The following LINC00632 variants were observed in gnomAD, a reference collection of about 807,000 sequenced individuals.
LINC00632 encodes the protein ALDOA related specific transcript.
Position 140,776,529 on chromosome X carries a change from G to C in LINC00632, n.4548G>C, listed in dbSNP as rs184928216. ...CCTCCCGCCACCCGCCGGGGTCCTC[G>C]TTACCCAAGCCCGCGCGTGACCACC... On this transcript the variant is annotated non_coding_transcript_exon_variant, in exon 5 of 5. Transcript: ENST00000648200. 4.4e-3 allele frequency among the ~76,000 whole-genome samples: 495 copies of C among 112,945 alleles called. 5 individuals carry two copies. The highest frequency in any genetic ancestry group is 0.015 in the African/African-American group (453 of 31,205).
chrX:140,728,240 CAA>C (rs1200284527), intron 2 of LINC00632, among the ~76,000 whole-genome samples: 12 of 60,640 alleles, frequency 2.0e-4, no homozygotes, highest in Admixed American at 4.1e-4. Flanking sequence ...AACTCTGTCT[CAA>C]AAAAAAAAAA....
At chrX:140,747,964 C>T (rs75609788) in intron 3 of LINC00632, among the ~76,000 whole-genome samples, 16 of 111,768 alleles carry the variant, frequency 1.4e-4, no homozygotes, top group African/African-American at 4.2e-4. Context: ...AGTAGCTGGG[C>T]TTACAGGCGT....
intron 2 of LINC00632, among the ~76,000 whole-genome samples, chrX:140,733,717 T>A (rs1268355436): frequency 8.9e-6 from 1 of 112,667 alleles, no homozygotes; most frequent in East Asian, 2.8e-4. Flanking sequence ...AATTTATTAA[T>A]GTAATATAGA....
chrX:140,776,007 A>G (rs1404384706), exon 5 of LINC00632, among the ~76,000 whole-genome samples: 1 of 112,248 alleles, frequency 8.9e-6, no homozygotes, highest in Non-Finnish European at 1.9e-5. Context: ...AAAGAATGGG[A>G]GAAAAATTTT....
chrX:140,742,839 TAGAGAGAGAGAGAG>T (rs3084215), intron 3 of LINC00632, among the ~76,000 whole-genome samples: 2,809 of 46,889 alleles, frequency 0.06, 57 homozygotes, highest in Non-Finnish European at 0.082. Flanking sequence ...TAGAAGGTGA[TAGAGAGAGAGAGAG>T]AGAGAGAGAG....
At chrX:140,759,281 TTTCTTTCTTTCC>T (rs1428784995) in intron 3 of LINC00632, among the ~76,000 whole-genome samples, 3 of 93,551 alleles carry the variant, frequency 3.2e-5, no homozygotes, top group African/African-American at 1.3e-4. Context: ...GCCTCTTTTC[TTTCTTTCTTTCC>T]TTCCTTCCTT....
chrX:140,714,062 G>A (rs1930573922), intron 2 of LINC00632: 1 of 224,882 alleles, frequency 4.4e-6, no homozygotes, highest in Non-Finnish European at 8.2e-6. Flanking sequence ...CTCTCCCCAG[G>A]GCACACAGAC....
intron 2 of LINC00632, chrX:140,713,428 G>A (rs1930558824): frequency 3.4e-6 from 1 of 293,705 alleles, no homozygotes. Context: ...CGTTTCCTCA[G>A]ATGTAAAATG....
rs1491266716 is a variant in LINC00632 at position 140,724,632 on chromosome X, A to ACACACACACACAAACACATATTCCGTGTG, written n.105-9239_105-9238insACACAAACACATATTCCGTGTGCACACAC. Reference sequence around the variant, plus strand: ...ACACACACAAACACATATTCCGTGTACACACACTTCCATACACACAGAGAC... The same window carrying ACACACACACACAAACACATATTCCGTGTG: ...ACACACACAAACACATATTCCGTGTACACACACACACAAACACATATTCCGTGTGCACACACTTCCATACACACAGAGAC... On this transcript the variant is annotated intron_variant and non_coding_transcript_variant, in intron 2 of 4. Coordinates refer to ENST00000648200, the Ensembl canonical transcript of LINC00632. Among the ~76,000 whole-genome samples the ACACACACACACAAACACATATTCCGTGTG allele has an allele frequency of 4.4e-3, 343 of 78,715 alleles. 1 individual carries two copies. The highest frequency in any genetic ancestry group is 0.015 in the African/African-American group (324 of 21,277). The allele number at this position is 78,715 out of a possible 115,157, so 68.4% of individuals were successfully genotyped here.
intron 3 of LINC00632, among the ~76,000 whole-genome samples, chrX:140,757,128 G>A (rs771824098): frequency 9.0e-6 from 1 of 111,122 alleles, no homozygotes; most frequent in Non-Finnish European, 1.9e-5. Context: ...TTTTCTGATG[G>A]CGACTGGCCA....
At chrX:140,736,593 C>T (rs919323361) in intron 3 of LINC00632, among the ~76,000 whole-genome samples, 3 of 107,517 alleles carry the variant, frequency 2.8e-5, no homozygotes, top group East Asian at 6.0e-4. Context: ...CCCTCCATCA[C>T]GCCCAGCTAA....
intron 3 of LINC00632, among the ~76,000 whole-genome samples, chrX:140,757,057 C>T (rs1016667741): frequency 5.4e-5 from 6 of 110,680 alleles, no homozygotes; most frequent in African/African-American, 1.6e-4. Context: ...CAAGGAAGAA[C>T]GTTTTTGACA....
chrX:140,765,997 T>C (rs1315980213), intron 3 of LINC00632, among the ~76,000 whole-genome samples: 1 of 111,917 alleles, frequency 8.9e-6, no homozygotes, highest in Admixed American at 9.5e-5. Flanking sequence ...CTTGACCAGC[T>C]CTTCAAAAGG....
exon 5 of LINC00632, among the ~76,000 whole-genome samples, chrX:140,787,825 A>G (rs1013248790): frequency 1.8e-5 from 2 of 111,376 alleles, no homozygotes; most frequent in African/African-American, 6.5e-5. Flanking sequence ...TTCATGTTTC[A>G]TAGAAGGAAA....
Position 140,774,370 on chromosome X carries a change from C to T in LINC00632, n.2422-33C>T, listed in dbSNP as rs921570564. 6.3e-5 allele frequency among the ~76,000 whole-genome samples: 7 copies of T among 111,981 alleles called. No individual in the cohort carries two copies. The South Asian group carries it at 1.5e-3, about 24-fold the overall frequency. On this transcript the variant is annotated intron_variant and non_coding_transcript_variant, in intron 4 of 4. Transcript: ENST00000648200. Reference sequence around the variant, plus strand: ...GTAGTAATAAACTTCCAAACAAACACCGATAAGTATTTTCTCTCTGCTTAC... The same window carrying T: ...GTAGTAATAAACTTCCAAACAAACATCGATAAGTATTTTCTCTCTGCTTAC...
At chrX:140,760,399 T>A (rs184623463) in intron 3 of LINC00632, among the ~76,000 whole-genome samples, 6 of 111,521 alleles carry the variant, frequency 5.4e-5, no homozygotes, top group African/African-American at 1.6e-4. Context: ...ACCAAATAGA[T>A]CAGATTGGAG....
intron 2 of LINC00632, among the ~76,000 whole-genome samples, chrX:140,717,814 TA>T (rs1376888730): frequency 1.3e-4 from 14 of 111,503 alleles, no homozygotes; most frequent in East Asian, 1.1e-3. Flanking sequence ...AATAATGTAA[TA>T]GGGGTACTTA....
At chrX:140,784,312 T>C (rs41299075) in exon 5 of LINC00632, 106,734 of 1,202,992 alleles carry the variant, frequency 0.089, 3,441 homozygotes, top group South Asian at 0.13. Context: ...AACAAAGGTA[T>C]GTCTTCCAAC....
At chrX:140,784,617 TG>T (rs1424303746) in exon 5 of LINC00632, 1 of 427,367 alleles carries the variant, frequency 2.3e-6, no homozygotes, top group African/African-American at 2.5e-5. Flanking sequence ...TCCAGTGTGC[TG>T]ATCTTCTGAC....
Sources: allele counts gnomAD v4.1 joint callset (sites outside exome capture counted in the v4.1 genomes callset), GRCh38; gene constraint gnomAD v4.1.1; transcripts MANE v1.5; gene names NCBI Gene and HGNC (gene_info 2026-07-23, HGNC 2026-07-21).